The following KCNN4 variants were observed in gnomAD, a reference collection of about 807,000 sequenced individuals.
KCNN4 encodes the protein potassium calcium-activated channel subfamily N member 4, also known as intermediate conductance calcium-activated potassium channel protein 4.
A neutral mutation model predicts 45.2 loss-of-function variants in KCNN4; 31 were observed. The observed-to-expected ratio is 0.69, with a 90% CI of 0.52 to 0.92. The LOEUF (loss-of-function observed/expected upper bound fraction) is 0.92. KCNN4 is among the 40% of genes least tolerant of loss of function. The pLI is 0.00. For missense variants in KCNN4, 463 were observed against 574.0 expected (o/e 0.81, Z 1.98); for synonymous variants, 231 against 254.6 (o/e 0.91, Z 0.88).
At position 43,780,855 on chromosome 19, in the gene KCNN4, C is replaced by G; in HGVS notation, c.7G>C (p.Gly3Arg). 1 of 1,613,906 alleles carries G rather than the reference C, an allele frequency of 6.2e-7. No individual in the cohort carries two copies. Among genetic ancestry groups the G allele is most frequent in the Non-Finnish European group, 8.5e-7 (1 of 1,179,920 alleles). MGGDLVLGLGALR... is the reference protein window; with the variant it reads MGRDLVLGLGALR... ...GCCCCCAGGCCAAGCACCAGATCCC[C>G]GCCCATGGCCCCCGGGGTCTTGGGG... Residue 3 changes from glycine to arginine, a missense_variant, in exon 1 of 9, where the codon GGG becomes CGG. Coordinates refer to ENST00000648319, the MANE Select transcript of KCNN4 (RefSeq NM_002250.3).
At chr19:43,778,710 C>T (rs1242995552) in intron 1 of KCNN4, among the ~76,000 whole-genome samples, 3 of 152,094 alleles carry the variant, frequency 2.0e-5, no homozygotes, top group Non-Finnish European at 4.4e-5. Context: ...CTCTCTGTAC[C>T]TCTCCCCATC....
At position 43,772,905 on chromosome 19, in the gene KCNN4, C is replaced by T. The variant is rs189188828; in HGVS notation, c.684-770G>A. ...GGAATGTGGAACTTTGACTTCCTCC[C>T]CATTCTCCCATCATTCAATTGAGAA... On this transcript the variant is annotated intron_variant, in intron 3 of 8. Transcript: ENST00000648319. The surrounding 1 kb of genome is among the most constrained non-coding windows in gnomAD (Gnocchi z 4.4). Among the ~76,000 whole-genome samples, 6 of 152,320 alleles carry T rather than the reference C, an allele frequency of 3.9e-5. No homozygotes were observed. Among genetic ancestry groups the T allele is most frequent in the African/African-American group, 1.4e-4 (6 of 41,576 alleles).
rs576528430 is a variant in KCNN4 at position 43,779,078 on chromosome 19, C to A, written c.159+1625G>T. ...TGACCCTTAGGGTCATGTATTTTAA[C>A]CCTCACCCCAATTTACAGATGGGGA... On this transcript the variant is annotated intron_variant, in intron 1 of 8. Coordinates refer to ENST00000648319, the MANE Select transcript of KCNN4 (RefSeq NM_002250.3). Among the ~76,000 whole-genome samples, 52 of 152,248 alleles carry A rather than the reference C, an allele frequency of 3.4e-4. 1 individual carries two copies. In the East Asian group the frequency reaches 9.1e-3, roughly 27 times the overall value.
Position 43,769,310 on chromosome 19 carries a change from C to CCAGG in KCNN4, c.1049+131_1049+132insCCTG, listed in dbSNP as rs1969571487. 1.3e-6 allele frequency: 1 copy of CCAGG among 760,730 alleles called. No homozygotes were observed. Among genetic ancestry groups the CCAGG allele is most frequent in the East Asian group, 2.5e-5 (1 of 40,566 alleles). 47.1% of individuals were successfully genotyped at this position (760,730 alleles called of 1,614,324 possible). A position where few individuals can be genotyped will look rare whatever the true frequency, so the allele number is the denominator to read the frequency against. On this transcript the variant is annotated intron_variant, in intron 6 of 8. Coordinates refer to ENST00000648319, the MANE Select transcript of KCNN4 (RefSeq NM_002250.3). The surrounding 1 kb of genome is among the most constrained non-coding windows in gnomAD (Gnocchi z 4.4). Reference sequence around the variant, plus strand: ...ATGCACGGTCAGATCCAGGTGAGACCTGGATGTTGAGTGAGACCACACCTG... The same window carrying CCAGG: ...ATGCACGGTCAGATCCAGGTGAGACCCAGGTGGATGTTGAGTGAGACCACACCTG...
intron 8 of KCNN4, 99 bp downstream of exon 8, chr19:43,767,441 T>C: frequency 7.0e-7 from 1 of 1,429,894 alleles, no homozygotes. Flanking sequence ...AAGGCGGCCT[T>C]GTCTCCCAGC....
At chr19:43,776,326 G>GA (rs200901996) in intron 2 of KCNN4, among the ~76,000 whole-genome samples, 289 of 151,356 alleles carry the variant, frequency 1.9e-3, no homozygotes, top group Middle Eastern at 0.014. Flanking sequence ...GCAAGGGGGG[G>GA]CTGGGGACTA....
rs200807029 is a variant in KCNN4 at position 43,769,018 on chromosome 19, C to T, written c.1064G>A (p.Arg355Gln). 16 of 1,613,964 alleles carry T rather than the reference C, an allele frequency of 9.9e-6. No homozygotes were observed. The highest frequency in any genetic ancestry group is 2.7e-5 in the African/African-American group (2 of 74,914). ...TTCCCGGAGCTTCCGGTGTTTCAGC[C>T]GCACCTGGCGGAACCTGTGGGAAGA... ...LAAINAFRQV[R>Q]LKHRKLREQV... Residue 355 changes from arginine to glutamine, a missense_variant, in exon 7 of 9, where the codon CGG becomes CAG. Arg to Gln is a conservative substitution (Grantham distance 43, BLOSUM62 1). This residue lies in a region of KCNN4 where 129 missense variants were observed against 149.4 expected (regional missense o/e 0.86). Coordinates refer to ENST00000648319, the MANE Select transcript of KCNN4 (RefSeq NM_002250.3). The surrounding 1 kb of genome is among the most constrained non-coding windows in gnomAD (Gnocchi z 4.4).
chr19:43,772,023 C>T lies in KCNN4; in HGVS notation c.796G>A (p.Val266Ile), dbSNP rs776092750. 9 of 1,612,176 alleles carry T rather than the reference C, an allele frequency of 5.6e-6. No individual in the cohort carries two copies. Among genetic ancestry groups the T allele is most frequent in the Middle Eastern group, 1.7e-4 (1 of 6,056 alleles). ...VVPGTMWGKI[V>I]CLCTGVMGVC... ...ACCATGACTCCAGTGCACAGGCAGA[C>T]GATCTTGCCCCACATGGTGCCCGGC... The change falls in exon 4 of 9, where the codon GTC becomes ATC. Residue 266 changes from valine to isoleucine, a missense_variant. Physicochemically the swap from Val to Ile is conservative, Grantham distance 29 (BLOSUM62 3). Around this residue, in one of 3 missense-constraint regions of KCNN4, gnomAD observed 109 missense variants for 183.7 expected, o/e 0.59. Coordinates refer to ENST00000648319, the MANE Select transcript of KCNN4 (RefSeq NM_002250.3). This position sits in a 1 kb window ranked among gnomAD's most constrained non-coding sequence, Gnocchi z 4.4.
rs111402121 is a variant in KCNN4, at chr19:43,777,672, C to CTCTTT, written c.160-1037_160-1036insAAAGA. 6.5e-4 allele frequency among the ~76,000 whole-genome samples: 95 copies of CTCTTT among 146,506 alleles called. 1 individual carries two copies. Among genetic ancestry groups the CTCTTT allele is most frequent in the Non-Finnish European group, 9.5e-4 (63 of 66,506 alleles). ...TCCAGAAACCACGGAGAAATTGTTCCTTTTTTTTTTTTTCCTCTCTTTGTG... is the reference window on the plus strand; with the variant it reads ...TCCAGAAACCACGGAGAAATTGTTCCTCTTTTTTTTTTTTTTTTCCTCTCTTTGTG... On this transcript the variant is annotated intron_variant, in intron 1 of 8. Coordinates refer to ENST00000648319, the MANE Select transcript of KCNN4 (RefSeq NM_002250.3).
rs3760980 is a variant in KCNN4, at chr19:43,772,361, T to A, written c.684-226A>T. ...TGCTGTGTGACCTGGGCAAGTTGCT[T>A]AGCCACTCTGGGATTTGAGACTGGG... On this transcript the variant is annotated intron_variant, in intron 3 of 8. Coordinates refer to ENST00000648319, the MANE Select transcript of KCNN4 (RefSeq NM_002250.3). This position sits in a 1 kb window ranked among gnomAD's most constrained non-coding sequence, Gnocchi z 4.4. Among the ~76,000 whole-genome samples the A allele has an allele frequency of 0.85, 129,481 of 152,066 alleles. 55,281 individuals are homozygous for A. Among genetic ancestry groups the A allele is most frequent in the East Asian group, 0.96 (4,943 of 5,160 alleles).
At chr19:43,776,416 C>T (rs545882670) in intron 2 of KCNN4, 125 bp downstream of exon 2, 126 of 694,218 alleles carry the variant, frequency 1.8e-4, no homozygotes, top group Non-Finnish European at 2.6e-4. Flanking sequence ...AGGGTGTGGA[C>T]GCAGCACCTA....
intron 1 of KCNN4, among the ~76,000 whole-genome samples, chr19:43,778,505 C>T (rs1312959286): frequency 6.6e-6 from 1 of 152,184 alleles, no homozygotes; most frequent in Non-Finnish European, 1.5e-5. Flanking sequence ...TCCCAAAGTG[C>T]TGGGATTACA....
At position 43,774,176 on chromosome 19, in the gene KCNN4, C is replaced by T; in HGVS notation, c.683+16G>A. The T allele has an allele frequency of 6.3e-7, 1 of 1,599,236 alleles. No individual in the cohort carries two copies. Among genetic ancestry groups the T allele is most frequent in the Non-Finnish European group, 8.5e-7 (1 of 1,170,256 alleles). Reference sequence around the variant, plus strand: ...CGGGGTTCCCCCCTGCGCATTTATGCCTCCATCACCCTCACCTCTCGGCCA... The same window carrying T: ...CGGGGTTCCCCCCTGCGCATTTATGTCTCCATCACCCTCACCTCTCGGCCA... On this transcript the variant is annotated intron_variant, in intron 3 of 8. Coordinates refer to ENST00000648319, the MANE Select transcript of KCNN4 (RefSeq NM_002250.3). This position sits in a 1 kb window ranked among gnomAD's most constrained non-coding sequence, Gnocchi z 5.6.
chr19:43,769,023 C>G lies in KCNN4; in HGVS notation c.1059G>C (p.Gln353His), dbSNP rs1969559322. ...GGAGCTTCCGGTGTTTCAGCCGCAC[C>G]TGGCGGAACCTGTGGGAAGAAGTGG... ...KLLAAINAFR[Q>H]VRLKHRKLRE... Residue 353 changes from glutamine (Q) to histidine (H), a missense_variant, in exon 7 of 9, where the codon CAG becomes CAC. Coordinates refer to ENST00000648319, the MANE Select transcript of KCNN4 (RefSeq NM_002250.3). The surrounding 1 kb of genome is among the most constrained non-coding windows in gnomAD (Gnocchi z 4.4). The G allele has an allele frequency of 1.2e-6, 2 of 1,614,124 alleles. No individual in the cohort carries two copies. The highest frequency in any genetic ancestry group is 1.7e-6 in the Non-Finnish European group (2 of 1,179,956).
rs201697739 is a variant in KCNN4, at chr19:43,780,872, G to T, written c.-11C>A. 110 of 1,613,242 alleles carry T rather than the reference G, an allele frequency of 6.8e-5. 1 individual carries two copies. Among genetic ancestry groups the T allele is most frequent in the Middle Eastern group, 5.0e-4 (3 of 6,042 alleles). On this transcript the variant is annotated 5_prime_UTR_variant, in exon 1 of 9. Transcript: ENST00000648319. Reference sequence around the variant, plus strand: ...CAGATCCCCGCCCATGGCCCCCGGGGTCTTGGGGCTCAGCCAGCTTCCTGC... The same window carrying T: ...CAGATCCCCGCCCATGGCCCCCGGGTTCTTGGGGCTCAGCCAGCTTCCTGC...
rs1012080586 is a variant in KCNN4 at position 43,769,886 on chromosome 19, C to T, written c.820-57G>A. Reference sequence around the variant, plus strand: ...CTGTGCCACCGACTCCCTCCTTGAACCCGCCCAACAGCCACAGACGGTAGG... The same window carrying T: ...CTGTGCCACCGACTCCCTCCTTGAATCCGCCCAACAGCCACAGACGGTAGG... On this transcript the variant is annotated intron_variant, in intron 4 of 8. Transcript: ENST00000648319. This position sits in a 1 kb window ranked among gnomAD's most constrained non-coding sequence, Gnocchi z 4.4. 7.1e-6 allele frequency: 9 copies of T among 1,261,174 alleles called. No individual in the cohort carries two copies. The African/African-American group carries it at 1.2e-4, about 16-fold the overall frequency. The allele number at this position is 1,261,174 out of a possible 1,614,324, so 78.1% of individuals were successfully genotyped here.
chr19:43,770,030 A>G (rs2146443564), intron 4 of KCNN4, among the ~76,000 whole-genome samples: 1 of 152,252 alleles, frequency 6.6e-6, no homozygotes, highest in South Asian at 2.1e-4. Context: ...AATTTGATGC[A>G]TAGCATTCAC....
chr19:43,776,913 A>G (rs954546045), intron 1 of KCNN4: 3 of 375,678 alleles, frequency 8.0e-6, no homozygotes, highest in Non-Finnish European at 1.5e-5. Context: ...CCTGGCCAAC[A>G]TGGTGAAACC....
At chr19:43,779,703 C>G (rs1969917241) in intron 1 of KCNN4, among the ~76,000 whole-genome samples, 1 of 152,054 alleles carries the variant, frequency 6.6e-6, no homozygotes, top group Admixed American at 6.6e-5. Flanking sequence ...CCCCACTTTC[C>G]CCTTTCTTCC....
Sources: gnomAD v4.1 joint callset for allele counts (sites outside exome capture counted in the v4.1 genomes callset) on GRCh38, gnomAD v4.1.1 for gene constraint, gnomAD v4.1.1 regional missense constraint, Gnocchi (gnomAD v3.1) non-coding constraint, MANE v1.5 for transcripts, NCBI Gene and HGNC (gene_info 2026-07-23, HGNC 2026-07-21) for gene names.